Variants in PCDH10 observed in about 807,000 individuals in gnomAD.
The protein encoded by PCDH10 is protocadherin-10.
A neutral mutation model predicts 74.4 loss-of-function variants in PCDH10; 15 were observed. The ratio of observed to expected loss-of-function variants is 0.20; its 90% CI spans 0.13 to 0.31. PCDH10 has a LOEUF of 0.31. Ranked by LOEUF, PCDH10 falls within the 10% of genes least tolerant of loss-of-function variation. The probability of loss-of-function intolerance (pLI) is 1.00; values close to 1 mark genes in which losing one functional copy is unlikely to be tolerated. For missense variants in PCDH10, 1,260 were observed against 1,390.2 expected, an observed-to-expected ratio of 0.91 and a Z score of 1.49; for synonymous variants, 619 against 589.8, an observed-to-expected ratio of 1.05 and a Z score of -0.72.
At chr4:133,164,795 T>G (rs1194907438) in intron 4 of PCDH10, among the ~76,000 whole-genome samples, 2 of 150,498 alleles carry the variant, frequency 1.3e-5, no homozygotes, top group African/African-American at 2.5e-5. Context: ...TAATGCAAAT[T>G]TTTCTATTTC....
rs1323243123 is a variant in PCDH10, at chr4:133,150,740, G to A, written c.600G>A (p.Val200=). Residue 200 remains valine (V), a synonymous_variant, in exon 1 of 5, where the codon GTG becomes GTA. Coordinates refer to ENST00000264360, the MANE Select transcript of PCDH10 (RefSeq NM_032961.3). ...DREQQAVHRY[V]LTAVDGGGGG... is the part of the protein sequence containing the mutation. ...AGCAGCAAGCGGTGCACCGCTACGT[G>A]CTGACCGCGGTGGACGGAGGAGGTG... The A allele has an allele frequency of 6.2e-7, 1 of 1,609,148 alleles. No homozygotes were observed. The highest frequency in any genetic ancestry group is 8.5e-7 in the Non-Finnish European group (1 of 1,177,714).
In PCDH10 at chr4:133,150,092, G is replaced by A; in HGVS notation, c.-49G>A. 3 of 1,465,432 alleles carry A rather than the reference G, an allele frequency of 2.0e-6. No homozygotes were observed. The highest frequency in any genetic ancestry group is 2.5e-5 in the Admixed American group (1 of 40,116). The allele number at this position is 1,465,432 out of a possible 1,614,324, so 90.8% of individuals were successfully genotyped here. ...TTTGTTTCGTGGTGGTGGGGGAGGT[G>A]ATTGGGTGGCTGACTGGCTGCGGGA... is the stretch of plus-strand genomic sequence containing the variant. On this transcript the variant is annotated 5_prime_UTR_variant, in exon 1 of 5. Transcript: ENST00000264360.
rs144228221 is a variant in PCDH10, at chr4:133,156,802, C to T, written c.2797+1779C>T. Among the ~76,000 whole-genome samples the T allele has an allele frequency of 1.9e-3, 282 of 152,200 alleles. 2 individuals carry two copies. In the East Asian group the frequency reaches 0.049, roughly 26 times the overall value. On this transcript the variant is annotated intron_variant, in intron 3 of 4. Coordinates refer to ENST00000264360, the MANE Select transcript of PCDH10 (RefSeq NM_032961.3). ...GACATAATGACCCATAATAACCTAA[C>T]TGAAGAAAGAGAAATGAATAAACAT...
intron 2 of PCDH10, among the ~76,000 whole-genome samples, chr4:133,203,288 G>A (rs556819526): frequency 2.1e-4 from 32 of 152,180 alleles, no homozygotes; most frequent in South Asian, 1.2e-3. Context: ...CTCTCCCCTT[G>A]TATTCAAGAT....
intron 1 of PCDH10, 121 bp downstream of exon 1, chr4:133,152,892 G>T (rs558018219): frequency 2.7e-6 from 4 of 1,482,164 alleles, no homozygotes; most frequent in South Asian, 2.8e-5. Context: ...TATGTGTATC[G>T]TTGTGGGAGC....
At chr4:133,183,890 T>C (rs1727471921) in intron 4 of PCDH10, among the ~76,000 whole-genome samples, 1 of 152,202 alleles carries the variant, frequency 6.6e-6, no homozygotes, top group Non-Finnish European at 1.5e-5. Context: ...CTCTTCTATT[T>C]GAAATTATAC....
At chr4:133,162,717 T>G (rs1347021745) in intron 3 of PCDH10, among the ~76,000 whole-genome samples, 1 of 152,198 alleles carries the variant, frequency 6.6e-6, no homozygotes. Context: ...CCCAATACCC[T>G]AAGTAGTTTA....
intron 3 of PCDH10, among the ~76,000 whole-genome samples, chr4:133,160,974 T>C (rs1489577185): frequency 1.3e-5 from 2 of 152,120 alleles, no homozygotes; most frequent in Non-Finnish European, 1.5e-5. Flanking sequence ...TCTGGTTCTG[T>C]AGCCTCTACC....
downstream of PCDH10, among the ~76,000 whole-genome samples, chr4:133,195,514 C>G (rs1347710816): frequency 1.3e-5 from 2 of 152,056 alleles, no homozygotes; most frequent in East Asian, 3.9e-4. Context: ...AATATAGACT[C>G]TTTAAGATTA....
At position 133,191,635 on chromosome 4, in the gene PCDH10, C is replaced by T. The variant is rs10030948; in HGVS notation, c.*1475C>T. 0.033 allele frequency: 4,936 copies of T among 151,542 alleles called. 238 individuals carry two copies. Among genetic ancestry groups the T allele is most frequent in the African/African-American group, 0.1 (4,259 of 41,330 alleles). The allele number at this position is 151,542 out of a possible 1,614,324, so 9.4% of individuals were successfully genotyped here. A position where few individuals can be genotyped will look rare whatever the true frequency, so the allele number is the denominator to read the frequency against. Reference sequence around the variant, plus strand: ...TGTGTATGCCTTGTTAGAACACATTCGAGAGAGGAAAAAAATCAGAGAATA... The same window carrying T: ...TGTGTATGCCTTGTTAGAACACATTTGAGAGAGGAAAAAAATCAGAGAATA... On this transcript the variant is annotated 3_prime_UTR_variant, in exon 5 of 5. Coordinates refer to ENST00000264360, the MANE Select transcript of PCDH10 (RefSeq NM_032961.3).
At chr4:133,175,282 A>G (rs746034578) in intron 4 of PCDH10, among the ~76,000 whole-genome samples, 2 of 152,076 alleles carry the variant, frequency 1.3e-5, no homozygotes, top group Non-Finnish European at 2.9e-5. Context: ...GTAAAGAAGC[A>G]CCATAACAAT....
rs1287615237 is a variant in PCDH10, at chr4:133,190,625, C to G, written c.*465C>G. On this transcript the variant is annotated 3_prime_UTR_variant, in exon 5 of 5. Coordinates refer to ENST00000264360, the MANE Select transcript of PCDH10 (RefSeq NM_032961.3). ...TTACAAGAGAAATTGTGATTATGTT[C>G]TTTTCACCTGTGGGTTATAAAAAAT... 6.5e-6 allele frequency: 1 copy of G among 154,492 alleles called. No individual in the cohort carries two copies. Among genetic ancestry groups the G allele is most frequent in the Non-Finnish European group, 1.4e-5 (1 of 69,392 alleles). The allele number at this position is 154,492 out of a possible 1,614,324, so 9.6% of individuals were successfully genotyped here.
intron 4 of PCDH10, among the ~76,000 whole-genome samples, chr4:133,185,642 G>T (rs555329881): frequency 1.3e-5 from 2 of 152,122 alleles, no homozygotes; most frequent in South Asian, 4.1e-4. Flanking sequence ...CTGATGATGA[G>T]GCTTATTGAA....
At position 133,155,018 on chromosome 4, in the gene PCDH10, C is replaced by T; in HGVS notation, c.2792C>T (p.Ser931Leu). ...SDHDATNRAQ[S>L]AGMDLFSNCT... ...CATGATGCCACCAACCGTGCCCAGT[C>T]AGCTGGTAAGTGTGATCAAAGGGCA... Residue 931 changes from serine to leucine, a missense_variant, in exon 3 of 5, where the codon TCA becomes TTA. Around this residue, in one of 11 missense-constraint regions of PCDH10, gnomAD observed 136 missense variants for 149.3 expected, o/e 0.91. Coordinates refer to ENST00000264360, the MANE Select transcript of PCDH10 (RefSeq NM_032961.3). The T allele has an allele frequency of 6.2e-7, 1 of 1,601,792 alleles. No homozygotes were observed. Among genetic ancestry groups the T allele is most frequent in the Middle Eastern group, 1.7e-4 (1 of 6,040 alleles).
chr4:133,165,406 T>C (rs1727058114), intron 4 of PCDH10, among the ~76,000 whole-genome samples: 1 of 151,668 alleles, frequency 6.6e-6, no homozygotes, highest in Admixed American at 6.6e-5. Context: ...AAAAAATTTA[T>C]AGTTAGTCTG....
chr4:133,181,815 A>G (rs989154791), intron 4 of PCDH10, among the ~76,000 whole-genome samples: 9 of 152,070 alleles, frequency 5.9e-5, no homozygotes, highest in African/African-American at 2.2e-4. Context: ...ATAGCCATAC[A>G]TTTACACACT....
At chr4:133,155,913 AG>A (rs1409335512) in intron 3 of PCDH10, among the ~76,000 whole-genome samples, 1 of 152,168 alleles carries the variant, frequency 6.6e-6, no homozygotes, top group Non-Finnish European at 1.5e-5. Flanking sequence ...TCATCTTTGA[AG>A]GGTGTTTGTT....
intron 2 of PCDH10, among the ~76,000 whole-genome samples, chr4:133,201,646 C>T (rs989880002): frequency 1.3e-5 from 2 of 151,910 alleles, no homozygotes; most frequent in African/African-American, 2.4e-5. Context: ...CAACTGAGGT[C>T]GGAAGTTTGA....
chr4:133,198,660 G>A (rs146601793), downstream of PCDH10, among the ~76,000 whole-genome samples: 1 of 152,086 alleles, frequency 6.6e-6, no homozygotes, highest in Non-Finnish European at 1.5e-5. Context: ...AACCAGAATA[G>A]GGGAAAATTG....
Sources: allele counts gnomAD v4.1 joint callset (sites outside exome capture counted in the v4.1 genomes callset), GRCh38; gene constraint gnomAD v4.1.1; regional missense constraint gnomAD v4.1.1; transcripts MANE v1.5; gene names NCBI Gene and HGNC (gene_info 2026-07-23, HGNC 2026-07-21).